Variants in WASHC3 observed in about 807,000 individuals in gnomAD.
WASHC3 encodes the protein WASH complex subunit 3, also known as WASH complex subunit CCDC53.
WASHC3 carries 24 observed loss-of-function variants against 26.1 expected under a neutral mutation model. The observed-to-expected ratio is 0.92, with a 90% confidence interval of 0.66 to 1.29. The LOEUF (loss-of-function observed/expected upper bound fraction) is 1.29, where lower values mean the gene tolerates loss of function less well. Ranked by LOEUF, WASHC3 falls within the 50% of genes most tolerant of loss-of-function variation. The pLI, the probability that WASHC3 is intolerant of heterozygous loss-of-function variation, is 0.00. For missense variants in WASHC3, 214 were observed against 229.6 expected (o/e 0.93, Z 0.44); for synonymous variants, 77 against 75.7 (o/e 1.02, Z -0.09).
At chr12:102,018,128 A>AT (rs755355116) in intron 6 of WASHC3, among the ~76,000 whole-genome samples, 16 of 152,218 alleles carry the variant, frequency 1.1e-4, no homozygotes, top group Non-Finnish European at 2.1e-4. Context: ...ATGTTGTAGC[A>AT]TGTGTCAGAA....
intron 5 of WASHC3, among the ~76,000 whole-genome samples, chr12:102,036,605 A>G (rs566597445): frequency 6.6e-6 from 1 of 152,320 alleles, no homozygotes; most frequent in East Asian, 1.9e-4. Context: ...TAAGAGGCAT[A>G]TATGAACCAA....
intron 6 of WASHC3, among the ~76,000 whole-genome samples, chr12:102,018,295 G>A (rs1418901581): frequency 1.3e-5 from 2 of 152,140 alleles, no homozygotes. Flanking sequence ...ATCTCTTTGA[G>A]ACTCTGCTTT....
Position 102,044,205 on chromosome 12 carries a change from G to C in WASHC3, c.224C>G (p.Ser75Cys). ...TLNILDAKLS[S>C]IPGLDDVTVE... ...TGTGACATCATCTAGGCCTGGGATAGATGACAACTGAGAAAAGAAAATTAG... is the reference window on the plus strand; with the variant it reads ...TGTGACATCATCTAGGCCTGGGATACATGACAACTGAGAAAAGAAAATTAG... The change falls in exon 4 of 7, where the codon TCT becomes TGT. Residue 75 changes from serine (S) to cysteine (C), a missense_variant. Coordinates refer to ENST00000240079, the MANE Select transcript of WASHC3 (RefSeq NM_016053.4). 2 of 1,572,532 alleles carry C rather than the reference G, an allele frequency of 1.3e-6. No individual in the cohort carries two copies. The highest frequency in any genetic ancestry group is 1.1e-5 in the South Asian group (1 of 87,178).
chr12:102,030,184 A>G (rs866428512), intron 5 of WASHC3, among the ~76,000 whole-genome samples: 2 of 151,582 alleles, frequency 1.3e-5, no homozygotes, highest in Non-Finnish European at 2.9e-5. Flanking sequence ...AATCCCAGCT[A>G]CTCAGGAGGC....
intron 4 of WASHC3, among the ~76,000 whole-genome samples, chr12:102,040,955 A>C (rs982632426): frequency 2.6e-5 from 4 of 151,990 alleles, no homozygotes; most frequent in African/African-American, 4.8e-5. Context: ...TAGTCTTTAG[A>C]CTATGAATGT....
intron 3 of WASHC3, among the ~76,000 whole-genome samples, chr12:102,044,760 T>C (rs1195048802): frequency 6.6e-6 from 1 of 152,230 alleles, no homozygotes; most frequent in Non-Finnish European, 1.5e-5. Context: ...CTGAATGTTA[T>C]TAAAATATGT....
At chr12:102,050,438 T>C (rs1878343505) in intron 2 of WASHC3, 2 of 399,154 alleles carry the variant, frequency 5.0e-6, no homozygotes, top group South Asian at 3.7e-5. Flanking sequence ...GATAATGTAG[T>C]AAGATGCCAT....
intron 6 of WASHC3, among the ~76,000 whole-genome samples, chr12:102,025,685 G>GAAAAAAAAAAA (rs771948063): frequency 4.1e-5 from 3 of 74,016 alleles, no homozygotes; most frequent in Non-Finnish European, 5.7e-5. Context: ...GCACAAAAAG[G>GAAAAAAAAAAA]AAAAAAAAAA....
upstream of WASHC3, chr12:102,062,088 G>A: frequency 1.3e-6 from 1 of 752,282 alleles, no homozygotes; most frequent in Admixed American, 2.6e-5. Flanking sequence ...CCCGCCGGAA[G>A]AAAGCTTCTC....
intron 1 of WASHC3, among the ~76,000 whole-genome samples, chr12:102,061,654 T>A (rs1878816047): frequency 6.6e-6 from 1 of 152,106 alleles, no homozygotes; most frequent in Non-Finnish European, 1.5e-5. Flanking sequence ...GCAACCGGCG[T>A]GTGTCGCCGG....
chr12:102,038,946 C>T (rs1310044509), intron 5 of WASHC3, among the ~76,000 whole-genome samples: 1 of 151,056 alleles, frequency 6.6e-6, no homozygotes, highest in Non-Finnish European at 1.5e-5. Context: ...TTTACAAAAG[C>T]ATTATTATTA....
intron 6 of WASHC3, among the ~76,000 whole-genome samples, chr12:102,021,231 CA>C (rs1253832366): frequency 6.6e-6 from 1 of 152,144 alleles, no homozygotes; most frequent in Non-Finnish European, 1.5e-5. Flanking sequence ...CTAGTGAGAT[CA>C]ATTTGGTCTT....
rs1245848030 is a variant in WASHC3 at position 102,059,115 on chromosome 12, G to A, written c.150+2133C>T. On this transcript the variant is annotated intron_variant, in intron 2 of 6. Transcript: ENST00000240079. Reference sequence around the variant, plus strand: ...AGTTAGGCAGGAGGAATAAGTTCAAGAGATCTCCTACATGTCATGGTGACT... The same window carrying A: ...AGTTAGGCAGGAGGAATAAGTTCAAAAGATCTCCTACATGTCATGGTGACT... Among the ~76,000 whole-genome samples the A allele has an allele frequency of 3.9e-5, 6 of 152,082 alleles. 1 individual carries two copies. In the South Asian group the frequency reaches 1.2e-3, roughly 32 times the overall value.
chr12:102,047,263 T>A (rs978188354), intron 2 of WASHC3, among the ~76,000 whole-genome samples: 8 of 152,196 alleles, frequency 5.3e-5, no homozygotes, highest in Non-Finnish European at 1.5e-5. Context: ...TCTGGGATAT[T>A]ATTAAGATCC....
intron 2 of WASHC3, among the ~76,000 whole-genome samples, chr12:102,049,237 C>T (rs1457769017): frequency 6.6e-6 from 1 of 152,244 alleles, no homozygotes; most frequent in Non-Finnish European, 1.5e-5. Flanking sequence ...CCAGTTATTA[C>T]AATCAAAGAC....
intron 6 of WASHC3, among the ~76,000 whole-genome samples, chr12:102,024,827 T>C (rs760343370): frequency 2.6e-5 from 4 of 152,310 alleles, no homozygotes; most frequent in Middle Eastern, 3.4e-3. Flanking sequence ...ATTGAACCTA[T>C]ATGTCTGATT....
At position 102,013,211 on chromosome 12, in the gene WASHC3, A is replaced by C; in HGVS notation, c.501-19T>G. On this transcript the variant is annotated intron_variant, in intron 6 of 6. Transcript: ENST00000240079. Reference sequence around the variant, plus strand: ...TGGCCTCCTAAAAGAAAAGAAAAAAAAATTTCAAAGGTCTTTTCCAATTGA... The same window carrying C: ...TGGCCTCCTAAAAGAAAAGAAAAAACAATTTCAAAGGTCTTTTCCAATTGA... 1.5e-6 allele frequency: 2 copies of C among 1,361,032 alleles called. No individual in the cohort carries two copies. The highest frequency in any genetic ancestry group is 2.0e-6 in the Non-Finnish European group (2 of 985,398). 84.3% of individuals were successfully genotyped at this position (1,361,032 alleles called of 1,614,324 possible).
rs908985607 is a variant in WASHC3 at position 102,053,917 on chromosome 12, A to G, written c.150+7331T>C. Among the ~76,000 whole-genome samples, 13 of 152,248 alleles carry G rather than the reference A, an allele frequency of 8.5e-5. 1 individual carries two copies. The highest frequency in any genetic ancestry group is 6.5e-5 in the Admixed American group (1 of 15,286). ...AATAACTTGTTAAGGGATATGCAGT[A>G]TAAAAAGATATACGTTGCAAAATCA... On this transcript the variant is annotated intron_variant, in intron 2 of 6. Coordinates refer to ENST00000240079, the MANE Select transcript of WASHC3 (RefSeq NM_016053.4).
chr12:102,013,248 A>T (rs1876559227), intron 6 of WASHC3, 56 bp from the exon 7 acceptor site: 3 of 830,732 alleles, frequency 3.6e-6, no homozygotes, highest in Non-Finnish European at 5.8e-6. Context: ...AAGAGCACTT[A>T]CAAACTCTTA....
Sources: allele counts gnomAD v4.1 joint callset (sites outside exome capture counted in the v4.1 genomes callset), GRCh38; gene constraint gnomAD v4.1.1; transcripts MANE v1.5; gene names NCBI Gene and HGNC (gene_info 2026-07-23, HGNC 2026-07-21).